DAGLB: variants seen among roughly 807,000 people sequenced by gnomAD.
DAGLB encodes diacylglycerol lipase-beta.
Under a neutral mutation model 72.1 loss-of-function variants are expected in DAGLB, and 66 were observed. That is an observed-to-expected ratio of 0.92 (90% CI 0.75 to 1.12). DAGLB has a LOEUF of 1.12. Among genes scored for constraint, DAGLB ranks in the 50% most tolerant of loss-of-function variants. The pLI, the probability that DAGLB is intolerant of heterozygous loss-of-function variation, is 0.00. For missense variants in DAGLB, 1,065 were observed against 884.9 expected (o/e 1.20, Z -2.58); for synonymous variants, 414 against 359.5 (o/e 1.15, Z -1.71).
At chr7:6,421,968 C>A in intron 8 of DAGLB, 164 bp from the exon 9 acceptor site, 1 of 792,944 alleles carries the variant, frequency 1.3e-6, no homozygotes. Flanking sequence ...GGAAACCCAG[C>A]GGTGGCTCCT....
intron 11 of DAGLB, 68 bp downstream of exon 11, chr7:6,416,559 A>G (rs1481134177): frequency 1.3e-6 from 2 of 1,518,436 alleles, no homozygotes; most frequent in Non-Finnish European, 8.8e-7. Flanking sequence ...ATAAAAGAAA[A>G]AAAAGATGAG....
At position 6,447,893 on chromosome 7, in the gene DAGLB, C is replaced by T. The variant is rs761078365; in HGVS notation, c.-51G>A. ...AGGAGAGACCCCGCGCGCCGTTCACCGAGAACAAACCAGCACCCTCCGGAC... is the reference window on the plus strand; with the variant it reads ...AGGAGAGACCCCGCGCGCCGTTCACTGAGAACAAACCAGCACCCTCCGGAC... On this transcript the variant is annotated 5_prime_UTR_variant, in exon 1 of 15. Transcript: ENST00000297056. The T allele has an allele frequency of 6.4e-7, 1 of 1,550,512 alleles. No homozygotes were observed. The highest frequency in any genetic ancestry group is 8.7e-7 in the Non-Finnish European group (1 of 1,154,030).
At chr7:6,446,732 G>C (rs893828425) in intron 1 of DAGLB, among the ~76,000 whole-genome samples, 41 of 151,834 alleles carry the variant, frequency 2.7e-4, no homozygotes, top group Middle Eastern at 3.4e-3. Flanking sequence ...ATCTAGGCCC[G>C]GCACGGCGGC....
intron 2 of DAGLB, among the ~76,000 whole-genome samples, chr7:6,443,390 G>C (rs903644163): frequency 3.3e-5 from 5 of 152,082 alleles, no homozygotes; most frequent in African/African-American, 1.2e-4. Context: ...GCAGAGGTTG[G>C]TTGCAGTGAG....
intron 6 of DAGLB, among the ~76,000 whole-genome samples, chr7:6,429,315 C>A (rs1035221375): frequency 6.6e-6 from 1 of 151,690 alleles, no homozygotes; most frequent in Non-Finnish European, 1.5e-5. Flanking sequence ...AATTGAAGGC[C>A]CTTCTACAAA....
chr7:6,426,136 T>A (rs1380812615), intron 6 of DAGLB, 22 bp from the exon 7 acceptor site: 1 of 1,612,474 alleles, frequency 6.2e-7, no homozygotes, highest in Non-Finnish European at 8.5e-7. Flanking sequence ...ACAAAGACGT[T>A]ACTATGCCGA....
intron 2 of DAGLB, among the ~76,000 whole-genome samples, chr7:6,440,458 G>C (rs562654877): frequency 6.6e-6 from 1 of 152,140 alleles, no homozygotes; most frequent in South Asian, 2.1e-4. Flanking sequence ...GGAGAGGACT[G>C]AATTCCACCT....
chr7:6,417,712 C>T (rs1052952446), intron 9 of DAGLB: 6 of 152,146 alleles, frequency 3.9e-5, no homozygotes, highest in African/African-American at 1.4e-4. Flanking sequence ...GACCCCATTT[C>T]TCTAAAACAA....
At chr7:6,440,294 G>A (rs998708002) in intron 2 of DAGLB, among the ~76,000 whole-genome samples, 10 of 151,418 alleles carry the variant, frequency 6.6e-5, no homozygotes, top group South Asian at 2.1e-4. Flanking sequence ...TGAGGCAGGA[G>A]AATCACTTGA....
chr7:6,411,315 C>A (rs1783720809), intron 13 of DAGLB, among the ~76,000 whole-genome samples: 1 of 150,528 alleles, frequency 6.6e-6, no homozygotes, highest in Non-Finnish European at 1.5e-5. Context: ...GCCCTAGATA[C>A]TAATTTCTAA....
chr7:6,429,475 C>A (rs145776661), intron 6 of DAGLB, among the ~76,000 whole-genome samples: 1 of 151,662 alleles, frequency 6.6e-6, no homozygotes, highest in African/African-American at 2.4e-5. Flanking sequence ...AAGGGTATTA[C>A]TGGGGCTGGG....
rs1783676750 is a variant in DAGLB at position 6,410,292 on chromosome 7, T to C, written c.1658A>G (p.Glu553Gly). ...LPTELDGGDQEVLTQPLLGEQ... is the reference protein window; with the variant it reads ...LPTELDGGDQGVLTQPLLGEQ... ...CCCCAGAAGAGGCTGTGTCAGGACT[T>C]CCTGGTCGCCCCCGTCCAGCTCCGT... The change falls in exon 14 of 15, where the codon GAA becomes GGA. Residue 553 changes from glutamate to glycine, a missense_variant. By Grantham distance (98) the Glu-to-Gly change is moderately conservative. Coordinates refer to ENST00000297056, the MANE Select transcript of DAGLB (RefSeq NM_139179.4). 6.2e-7 allele frequency: 1 copy of C among 1,613,812 alleles called. No individual in the cohort carries two copies. The highest frequency in any genetic ancestry group is 1.3e-5 in the African/African-American group (1 of 74,908).
chr7:6,431,680 G>T (rs186459055), intron 5 of DAGLB, among the ~76,000 whole-genome samples: 2 of 152,190 alleles, frequency 1.3e-5, no homozygotes, highest in Admixed American at 6.6e-5. Flanking sequence ...GCTGAGGCAG[G>T]AGAATTGCTT....
At chr7:6,430,351 G>C in intron 6 of DAGLB, 129 bp downstream of exon 6, 4 of 1,148,556 alleles carry the variant, frequency 3.5e-6, no homozygotes, top group Non-Finnish European at 4.4e-6. Flanking sequence ...ATGAGTCACA[G>C]CTGGTGACTC....
chr7:6,435,690 G>T (rs1372174707), intron 3 of DAGLB, among the ~76,000 whole-genome samples: 1 of 152,094 alleles, frequency 6.6e-6, no homozygotes, highest in African/African-American at 2.4e-5. Flanking sequence ...TTCTCATGAA[G>T]GTATCACAGA....
chr7:6,434,960 C>A lies in DAGLB; in HGVS notation c.480G>T (p.Gly160=). 6.2e-7 allele frequency: 1 copy of A among 1,614,054 alleles called. No homozygotes were observed. Among genetic ancestry groups the A allele is most frequent in the Admixed American group, 1.7e-5 (1 of 59,986 alleles). Residue 160 remains glycine (G), a synonymous_variant, in exon 4 of 15, where the codon GGG becomes GGT. Transcript: ENST00000297056. ...CGGCAGAGGAATATGGAGCCATTTT[C>A]CCCCCAAGAGGGTCAAAGACAATGA... The part of the protein sequence containing the change: ...SIIIVFDPLG[G]KMAPYSSAGP...
In DAGLB at chr7:6,445,801, A is replaced by G. The variant is rs1342958127; in HGVS notation, c.247+152T>C. On this transcript the variant is annotated intron_variant, in intron 2 of 14. Coordinates refer to ENST00000297056, the MANE Select transcript of DAGLB (RefSeq NM_139179.4). ...CTTTCAGGAGTGAAGAAAATGGTAT[A>G]AACTTGATGATGGTGATGGCTGCAC... 1.5e-5 allele frequency: 13 copies of G among 862,222 alleles called. 1 individual carries two copies. The African/African-American group carries it at 2.2e-4, about 15-fold the overall frequency. The allele number at this position is 862,222 out of a possible 1,614,324, so 53.4% of individuals were successfully genotyped here. A position where few individuals can be genotyped will look rare whatever the true frequency, so the allele number is the denominator to read the frequency against.
chr7:6,430,542 A>G lies in DAGLB; in HGVS notation c.867T>C (p.Tyr289=). ...HHYMQFAAAA[Y]GWPLYIYRNP... ...TTCTGTAGATGTAGAGGGGCCACCC[A>G]TAGGCCGCTGCTGCAAACTGCATGT... The change falls in exon 6 of 15, where the codon TAT becomes TAC. Residue 289 remains tyrosine, a synonymous_variant. Transcript: ENST00000297056. The G allele has an allele frequency of 6.2e-7, 1 of 1,603,684 alleles. No individual in the cohort carries two copies. The highest frequency in any genetic ancestry group is 2.2e-5 in the East Asian group (1 of 44,722).
rs888941089 is a variant in DAGLB at position 6,434,795 on chromosome 7, C to CG, written c.644dup (p.Ser216GlufsTer55). On this transcript the variant is annotated frameshift_variant, in exon 4 of 15. Transcript: ENST00000297056. LOFTEE classifies it high-confidence loss of function. ...AGGTTGAGAAAAGCTCTGCCGTACT[C>CG]GAAAAAGCAACCCGAGTATGGTCGT... 4 of 1,614,080 alleles carry CG rather than the reference C, an allele frequency of 2.5e-6. No individual in the cohort carries two copies. The African/African-American group carries it at 5.3e-5, about 22-fold the overall frequency.
Sources: allele counts gnomAD v4.1 joint callset (sites outside exome capture counted in the v4.1 genomes callset), GRCh38; gene constraint gnomAD v4.1.1; transcripts MANE v1.5; gene names NCBI Gene and HGNC (gene_info 2026-07-23, HGNC 2026-07-21).